DGCR2: variants seen among roughly 807,000 people sequenced by gnomAD.
The protein encoded by DGCR2 is DiGeorge syndrome critical region gene 2, also known as integral membrane protein DGCR2/IDD.
Under a neutral mutation model 51.6 loss-of-function variants are expected in DGCR2, and 24 were observed. The ratio of observed to expected loss-of-function variants is 0.47; its 90% confidence interval spans 0.34 to 0.65. DGCR2 has a LOEUF of 0.65. Among genes scored for constraint, DGCR2 ranks in the 30% least tolerant of loss-of-function variants. The pLI is 0.01. For synonymous variants in DGCR2, 340 were observed against 315.4 expected (o/e 1.08, Z -0.82); for missense variants, 765 against 772.1 (o/e 0.99, Z 0.11).
intron 6 of DGCR2, chr22:19,056,554 T>TAA (rs57447746): frequency 1.1e-3 from 284 of 248,732 alleles, no homozygotes; most frequent in East Asian, 2.6e-3. Flanking sequence ...CTGGCTTTAA[T>TAA]AAAAAAAAAA....
At chr22:19,102,466 G>A (rs2083212741) in intron 1 of DGCR2, among the ~76,000 whole-genome samples, 1 of 152,216 alleles carries the variant, frequency 6.6e-6, no homozygotes, top group South Asian at 2.1e-4. Flanking sequence ...ACTTTGGGAG[G>A]CTGAGGTGGG....
chr22:19,064,811 T>G, intron 4 of DGCR2, 37 bp downstream of exon 4: 1 of 1,593,054 alleles, frequency 6.3e-7, no homozygotes, highest in Non-Finnish European at 8.6e-7. Flanking sequence ...CATCAGACTC[T>G]GACTCCAGCC....
At chr22:19,060,672 C>G (rs1466584565) in intron 5 of DGCR2, 4 of 279,378 alleles carry the variant, frequency 1.4e-5, no homozygotes, top group Admixed American at 1.0e-4. Flanking sequence ...TTCAACCTTT[C>G]TGCACAAATG....
At chr22:19,106,071 G>C (rs934924329) in intron 1 of DGCR2, among the ~76,000 whole-genome samples, 7 of 152,016 alleles carry the variant, frequency 4.6e-5, no homozygotes, top group Non-Finnish European at 7.4e-5. Flanking sequence ...GGCTTGGAAA[G>C]ACGCCCCAGA....
chr22:19,051,579 A>G (rs1390465406), intron 6 of DGCR2, among the ~76,000 whole-genome samples: 2 of 152,208 alleles, frequency 1.3e-5, no homozygotes, highest in African/African-American at 2.4e-5. Context: ...TAAAAAACTT[A>G]GCCAGGCATG....
rs181480378 is a variant in DGCR2 at position 19,121,778 on chromosome 22, C to T, written c.79+350G>A. On this transcript the variant is annotated intron_variant, in intron 1 of 9. Coordinates refer to ENST00000263196, the MANE Select transcript of DGCR2 (RefSeq NM_005137.3). ...TGGCACTAGGCCACTGCTGGGAGGA[C>T]GTCTGTGAAACCAGGTGCCCCTGAG... 2.0e-3 allele frequency: 359 copies of T among 179,484 alleles called. 4 individuals are homozygous for T. The highest frequency in any genetic ancestry group is 3.7e-4 in the Non-Finnish European group (32 of 86,100). The allele number at this position is 179,484 out of a possible 1,614,324, so 11.1% of individuals were successfully genotyped here.
intron 2 of DGCR2, among the ~76,000 whole-genome samples, chr22:19,087,520 GGT>G (rs2083030655): frequency 2.0e-5 from 3 of 152,154 alleles, no homozygotes; most frequent in African/African-American, 7.2e-5. Flanking sequence ...TGGGATTACA[GGT>G]GCTCGCCACC....
chr22:19,085,122 A>C (rs2146005095), intron 2 of DGCR2, among the ~76,000 whole-genome samples: 1 of 150,812 alleles, frequency 6.6e-6, no homozygotes, highest in Non-Finnish European at 1.5e-5. Context: ...AAAAAAAAAC[A>C]AAGATGGTTC....
At chr22:19,096,034 A>G (rs2083136276) in intron 1 of DGCR2, among the ~76,000 whole-genome samples, 1 of 152,188 alleles carries the variant, frequency 6.6e-6, no homozygotes, top group African/African-American at 2.4e-5. Flanking sequence ...TTTGATGAGT[A>G]AATCAGCAAT....
chr22:19,065,327 G>T (rs1312084149), intron 3 of DGCR2: 2 of 493,268 alleles, frequency 4.1e-6, no homozygotes, highest in African/African-American at 3.9e-5. Flanking sequence ...CACTAGTCAA[G>T]AACGGCTGCT....
At chr22:19,059,157 T>G (rs992065503) in intron 5 of DGCR2, among the ~76,000 whole-genome samples, 2 of 152,096 alleles carry the variant, frequency 1.3e-5, no homozygotes, top group Non-Finnish European at 2.9e-5. Context: ...CTGGCCTTGA[T>G]GGAACTGTGA....
chr22:19,059,217 C>G (rs531818271), intron 5 of DGCR2, among the ~76,000 whole-genome samples: 14 of 152,182 alleles, frequency 9.2e-5, no homozygotes, highest in African/African-American at 3.1e-4. Flanking sequence ...GTGAAAAGGA[C>G]CCCCAGCAGC....
chr22:19,119,859 T>C (rs2146068007), intron 1 of DGCR2, among the ~76,000 whole-genome samples: 1 of 151,888 alleles, frequency 6.6e-6, no homozygotes, highest in East Asian at 1.9e-4. Context: ...TGGCTTGGCA[T>C]CATCTTCAGG....
At chr22:19,060,989 C>A (rs1226295573) in intron 5 of DGCR2, 12 of 322,752 alleles carry the variant, frequency 3.7e-5, no homozygotes, top group Non-Finnish European at 6.4e-5. Context: ...AAAAGATGGA[C>A]AACATGTAGA....
intron 2 of DGCR2, among the ~76,000 whole-genome samples, chr22:19,069,712 G>A (rs1411302269): frequency 6.6e-6 from 1 of 152,068 alleles, no homozygotes; most frequent in Non-Finnish European, 1.5e-5. Flanking sequence ...TAGGCTGTTT[G>A]CATTTTTTTC....
chr22:19,119,828 G>C (rs927325624), intron 1 of DGCR2, among the ~76,000 whole-genome samples: 1 of 151,570 alleles, frequency 6.6e-6, no homozygotes, highest in Non-Finnish European at 1.5e-5. Flanking sequence ...ACCCTGCCCT[G>C]TACCAGAGAG....
chr22:19,110,484 G>A (rs1054354220), intron 1 of DGCR2, among the ~76,000 whole-genome samples: 6 of 152,100 alleles, frequency 3.9e-5, no homozygotes, highest in African/African-American at 1.4e-4. Flanking sequence ...CGGGAGGAGA[G>A]CATTAGGACA....
Position 19,038,754 on chromosome 22 carries a change from G to T in DGCR2, c.*111C>A. The T allele has an allele frequency of 7.1e-7, 1 of 1,412,842 alleles. No individual in the cohort carries two copies. The highest frequency in any genetic ancestry group is 1.4e-5 in the South Asian group (1 of 73,836). 87.5% of individuals were successfully genotyped at this position (1,412,842 alleles called of 1,614,324 possible). A position where few individuals can be genotyped will look rare whatever the true frequency, so the allele number is the denominator to read the frequency against. ...ACACGCGAGCCCGCCAGTGACGTGC[G>T]GCAGTGCGTGGCGTCCAGGCTGGGA... On this transcript the variant is annotated 3_prime_UTR_variant, in exon 10 of 10. Coordinates refer to ENST00000263196, the MANE Select transcript of DGCR2 (RefSeq NM_005137.3).
chr22:19,100,558 C>T (rs149154373), intron 1 of DGCR2, among the ~76,000 whole-genome samples: 106 of 151,600 alleles, frequency 7.0e-4, no homozygotes, highest in Middle Eastern at 6.8e-3. Flanking sequence ...CCCAGCTACT[C>T]GGGAGGCTGA....
Sources: allele counts gnomAD v4.1 joint callset (sites outside exome capture counted in the v4.1 genomes callset), GRCh38; gene constraint gnomAD v4.1.1; transcripts MANE v1.5; gene names NCBI Gene and HGNC (gene_info 2026-07-23, HGNC 2026-07-21).